Variants in ETFA observed in about 807,000 individuals in gnomAD.
The protein encoded by ETFA is electron transfer flavoprotein subunit alpha.
In ETFA, 22 loss-of-function variants were observed where a neutral mutation model predicts 46.2. The observed-to-expected ratio is 0.48, with a 90% CI of 0.34 to 0.68. ETFA has a LOEUF of 0.68. Ranked by LOEUF, ETFA falls within the 30% of genes least tolerant of loss-of-function variation. The pLI is 0.01. For synonymous variants in ETFA, 131 were observed against 139.9 expected (o/e 0.94, Z 0.45); for missense variants, 345 against 401.1 (o/e 0.86, Z 1.19).
Position 76,299,532 on chromosome 15 carries a change from C to G in ETFA, c.40-3795G>C, listed in dbSNP as rs934876837. ...TCCTGGGCTCAAACGATCCTCGCAC[C>G]TTGGCCTCCCAGAGTGCTTGGATTA... On this transcript the variant is annotated intron_variant, in intron 1 of 11. Transcript: ENST00000557943. Among the ~76,000 whole-genome samples the G allele has an allele frequency of 1.1e-4, 16 of 152,158 alleles. 1 individual carries two copies. The highest frequency in any genetic ancestry group is 3.4e-4 in the African/African-American group (14 of 41,420).
intron 9 of ETFA, among the ~76,000 whole-genome samples, chr15:76,266,732 C>T (rs771836527): frequency 7.9e-5 from 12 of 151,936 alleles, no homozygotes; most frequent in Non-Finnish European, 1.3e-4. Flanking sequence ...TGAAACCCCG[C>T]TTCTACTAAA....
At chr15:76,274,576 G>T in intron 8 of ETFA, 82 bp from the exon 9 acceptor site, 6 of 1,107,770 alleles carry the variant, frequency 5.4e-6, no homozygotes, top group Non-Finnish European at 8.1e-6. Context: ...TGTAAACAAA[G>T]ACATTGATTT....
intron 9 of ETFA, among the ~76,000 whole-genome samples, chr15:76,266,919 C>T (rs2039475781): frequency 6.6e-6 from 1 of 150,684 alleles, no homozygotes; most frequent in African/African-American, 2.4e-5. Flanking sequence ...AAAAAAAATT[C>T]AAATTTGAAG....
At chr15:76,235,614 G>C (rs4886484) in intron 9 of ETFA, among the ~76,000 whole-genome samples, 73,986 of 152,010 alleles carry the variant, frequency 0.49, 20,434 homozygotes, top group Middle Eastern at 0.68. Context: ...GTAATATAAA[G>C]ATGACTAATT....
At position 76,274,266 on chromosome 15, in the gene ETFA, C is replaced by A. The variant is rs528458688; in HGVS notation, c.816+146G>T. ...TACTAGGATCAAGAACTACACAGAC[C>A]TTGTGAAAATGACATATTCACCATG... On this transcript the variant is annotated intron_variant, in intron 9 of 11. Coordinates refer to ENST00000557943, the MANE Select transcript of ETFA (RefSeq NM_000126.4). 4 of 708,834 alleles carry A rather than the reference C, an allele frequency of 5.6e-6. No homozygotes were observed. In the East Asian group the frequency reaches 8.2e-5, roughly 14 times the overall value. The allele number at this position is 708,834 out of a possible 1,614,324, so 43.9% of individuals were successfully genotyped here. A position where few individuals can be genotyped will look rare whatever the true frequency, so the allele number is the denominator to read the frequency against.
At chr15:76,248,077 A>C (rs1290602565) in intron 9 of ETFA, among the ~76,000 whole-genome samples, 1 of 152,238 alleles carries the variant, frequency 6.6e-6, no homozygotes. Context: ...CTAAAACTGT[A>C]AAGTAACGCA....
In ETFA at chr15:76,286,452, C is replaced by T; in HGVS notation, c.481G>A (p.Glu161Lys). Residue 161 changes from glutamate (E) to lysine (K), a missense_variant, in exon 6 of 12, where the codon GAG becomes AAG. Glu to Lys is a moderately conservative substitution (Grantham distance 56). Transcript: ENST00000557943. ...GNALCTVKCD[E>K]KVKVFSVRGT... ...CGGACAGAAAACACTTTCACTTTCT[C>T]ATCACACTTCACTGTACATAGAGCA... 6.2e-7 allele frequency: 1 copy of T among 1,612,878 alleles called. No individual in the cohort carries two copies. The highest frequency in any genetic ancestry group is 8.5e-7 in the Non-Finnish European group (1 of 1,178,882).
chr15:76,307,151 A>G (rs2039947134), intron 1 of ETFA, among the ~76,000 whole-genome samples: 1 of 152,088 alleles, frequency 6.6e-6, no homozygotes, highest in Non-Finnish European at 1.5e-5. Flanking sequence ...ATTTTTCTGC[A>G]TCTTCTTATT....
Position 76,274,491 on chromosome 15 carries a change from C to A in ETFA, c.737G>T (p.Gly246Val). 6.2e-7 allele frequency: 1 copy of A among 1,607,770 alleles called. No homozygotes were observed. Among genetic ancestry groups the A allele is most frequent in the Non-Finnish European group, 8.5e-7 (1 of 1,176,060 alleles). The change falls in exon 9 of 12, where the codon GGT becomes GTT. Residue 246 changes from glycine (G) to valine (V), a missense_variant. Coordinates refer to ENST00000557943, the MANE Select transcript of ETFA (RefSeq NM_000126.4). ...AGCATCAACAGCAGCACGGGAAGCA[C>A]CAACTAAGGGGAAAAAATATTTGTC... Reference protein sequence around the residue: ...DLADQLHAAVGASRAAVDAGF... With the variant: ...DLADQLHAAVVASRAAVDAGF...
chr15:76,300,833 A>C (rs370567009), intron 1 of ETFA, among the ~76,000 whole-genome samples: 9 of 152,168 alleles, frequency 5.9e-5, no homozygotes, highest in African/African-American at 1.9e-4. Context: ...TCAGACTTCC[A>C]GCCTTCCCAC....
chr15:76,279,363 C>T (rs2039625915), intron 8 of ETFA, among the ~76,000 whole-genome samples: 1 of 152,048 alleles, frequency 6.6e-6, no homozygotes, highest in African/African-American at 2.4e-5. Flanking sequence ...GCAGCCTTAA[C>T]CTCCTGGGCT....
At chr15:76,245,918 G>A (rs183347231) in intron 9 of ETFA, among the ~76,000 whole-genome samples, 10 of 152,318 alleles carry the variant, frequency 6.6e-5, no homozygotes, top group Admixed American at 3.9e-4. Context: ...TAGTTGTAGC[G>A]TAAATCTGAG....
chr15:76,295,977 T>G (rs1327046201), intron 1 of ETFA, among the ~76,000 whole-genome samples: 5 of 119,630 alleles, frequency 4.2e-5, no homozygotes, highest in African/African-American at 1.6e-4. Context: ...AGTCTCGCTC[T>G]GTCGCCCAGG....
At position 76,295,626 on chromosome 15, in the gene ETFA, C is replaced by G. The variant is rs2039810228; in HGVS notation, c.151G>C (p.Val51Leu). 1.9e-6 allele frequency: 3 copies of G among 1,613,766 alleles called. No homozygotes were observed. The highest frequency in any genetic ancestry group is 2.5e-6 in the Non-Finnish European group (3 of 1,179,886). Residue 51 changes from valine to leucine, a missense_variant, in exon 2 of 12, where the codon GTG becomes CTG. By Grantham distance (32) the Val-to-Leu change is conservative (BLOSUM62 1). Transcript: ENST00000557943. ...ITAATRLGGEVSCLVAGTKCD... is the reference protein window; with the variant it reads ...ITAATRLGGELSCLVAGTKCD... ...TTGGTTCCAGCTACTAAGCAGGACA[C>G]TTCACCTCCAAGGCGTGTGGCTGCA...
At chr15:76,285,425 G>A (rs1426928999) in intron 7 of ETFA, among the ~76,000 whole-genome samples, 2 of 152,124 alleles carry the variant, frequency 1.3e-5, no homozygotes, top group Non-Finnish European at 2.9e-5. Flanking sequence ...GCTCCCCCTG[G>A]TGCCAGTGAC....
At position 76,300,004 on chromosome 15, in the gene ETFA, C is replaced by T. The variant is rs1183160962; in HGVS notation, c.40-4267G>A. Reference sequence around the variant, plus strand: ...GCTTCTCTAATTCCTCATTCTCACTCCCTCCTCAATTACTTGCATCTGGTT... The same window carrying T: ...GCTTCTCTAATTCCTCATTCTCACTTCCTCCTCAATTACTTGCATCTGGTT... On this transcript the variant is annotated intron_variant, in intron 1 of 11. Coordinates refer to ENST00000557943, the MANE Select transcript of ETFA (RefSeq NM_000126.4). 2.6e-5 allele frequency among the ~76,000 whole-genome samples: 4 copies of T among 152,166 alleles called. No individual in the cohort carries two copies. The East Asian group carries it at 7.7e-4, about 29-fold the overall frequency.
At chr15:76,216,676 G>T (rs938153736) in intron 11 of ETFA, 79 bp from the exon 12 acceptor site, 1 of 930,438 alleles carries the variant, frequency 1.1e-6, no homozygotes, top group Non-Finnish European at 1.8e-6. Flanking sequence ...GCATTACAGG[G>T]AGGCCAAAAG....
intron 1 of ETFA, among the ~76,000 whole-genome samples, chr15:76,304,220 G>A (rs2039913093): frequency 6.6e-6 from 1 of 152,188 alleles, no homozygotes; most frequent in African/African-American, 2.4e-5. Flanking sequence ...GTTCTCTCTT[G>A]TAAGTGGCAG....
At chr15:76,250,071 A>G (rs1334765791) in intron 9 of ETFA, among the ~76,000 whole-genome samples, 1 of 152,226 alleles carries the variant, frequency 6.6e-6, no homozygotes, top group African/African-American at 2.4e-5. Context: ...GTAAGCAAGA[A>G]ATTATAACTA....
Sources: gnomAD v4.1 joint callset for allele counts (sites outside exome capture counted in the v4.1 genomes callset) on GRCh38, gnomAD v4.1.1 for gene constraint, MANE v1.5 for transcripts, NCBI Gene and HGNC (gene_info 2026-07-23, HGNC 2026-07-21) for gene names.